TBCD: variants seen among roughly 807,000 people sequenced by gnomAD.
The protein encoded by TBCD is tubulin-specific chaperone D.
Under a neutral mutation model 169.3 loss-of-function variants are expected in TBCD, and 105 were observed. The ratio of observed to expected loss-of-function variants is 0.62; its 90% CI spans 0.53 to 0.73. TBCD has a LOEUF of 0.73. Ranked by LOEUF, TBCD falls within the 30% of genes least tolerant of loss-of-function variation. The probability of loss-of-function intolerance (pLI) is 0.00; values close to 1 mark genes in which losing one functional copy is unlikely to be tolerated. For missense variants in TBCD, 1,444 were observed against 1,600.1 expected, an observed-to-expected ratio of 0.90 and a Z score of 1.66; for synonymous variants, 700 against 643.9, an observed-to-expected ratio of 1.09 and a Z score of -1.32.
rs56676443 is a variant in TBCD, at chr17:82,864,104, C to T, written c.1319-6120C>T. On this transcript the variant is annotated intron_variant, in intron 13 of 38. Coordinates refer to ENST00000355528, the MANE Select transcript of TBCD (RefSeq NM_005993.5). The surrounding 1 kb of genome is among the most constrained non-coding windows in gnomAD (Gnocchi z 6.3). ...AGTGAAGGGAGCTGCCTGCTGTTGA[C>T]GCTCCACAGGAGGTTTGCGGCATGG... Among the ~76,000 whole-genome samples, 49 of 152,356 alleles carry T rather than the reference C, an allele frequency of 3.2e-4. No individual in the cohort carries two copies. The highest frequency in any genetic ancestry group is 9.1e-4 in the African/African-American group (38 of 41,580).
At chr17:82,881,603 G>A (rs1019303720) in intron 14 of TBCD, among the ~76,000 whole-genome samples, 1 of 152,198 alleles carries the variant, frequency 6.6e-6, no homozygotes, top group African/African-American at 2.4e-5. Context: ...CCGTGCCTAC[G>A]TGCCCTCCTG....
At position 82,940,958 on chromosome 17, in the gene TBCD, T is replaced by TA. The variant is rs199798632; in HGVS notation, c.3480-430dup. 5.8e-3 allele frequency among the ~76,000 whole-genome samples: 863 copies of TA among 148,074 alleles called. 13 individuals carry two copies. Among genetic ancestry groups the TA allele is most frequent in the East Asian group, 0.026 (131 of 5,096 alleles). ...TCCTATCGTTTAATCCCCTTTCTGT[T>TA]AAAAAAAAAAATCCTTAGAATTTAA... On this transcript the variant is annotated intron_variant, in intron 37 of 38. Transcript: ENST00000355528.
intron 6 of TBCD, among the ~76,000 whole-genome samples, chr17:82,774,305 G>A (rs916729230): frequency 6.6e-6 from 1 of 152,136 alleles, no homozygotes; most frequent in African/African-American, 2.4e-5. Context: ...ATCTTGCACC[G>A]CCCTTAATCC....
chr17:82,808,070 AC>A (rs1568167319), intron 11 of TBCD, among the ~76,000 whole-genome samples: 1 of 152,120 alleles, frequency 6.6e-6, no homozygotes, highest in African/African-American at 2.4e-5. Flanking sequence ...TTCACCCCTC[AC>A]TAGCACCTGT....
chr17:82,911,884 C>A (rs1421185469), intron 23 of TBCD, 95 bp downstream of exon 23: 6 of 1,357,952 alleles, frequency 4.4e-6, no homozygotes, highest in Non-Finnish European at 6.2e-6. Flanking sequence ...CCCATTAGCC[C>A]CCAGGGTGAA....
chr17:82,763,173 A>G (rs2047854684), intron 2 of TBCD, among the ~76,000 whole-genome samples: 1 of 151,920 alleles, frequency 6.6e-6, no homozygotes. Context: ...GTCTCCTTTC[A>G]TTTCTCTCAG....
chr17:82,792,926 C>T (rs2049852089), intron 7 of TBCD, among the ~76,000 whole-genome samples: 1 of 152,008 alleles, frequency 6.6e-6, no homozygotes, highest in Admixed American at 6.5e-5. Flanking sequence ...CCACACCTGG[C>T]TAATTTTTGT....
At chr17:82,763,204 A>G (rs2047856075) in intron 2 of TBCD, among the ~76,000 whole-genome samples, 1 of 152,068 alleles carries the variant, frequency 6.6e-6, no homozygotes, top group Non-Finnish European at 1.5e-5. Context: ...GCTTATTTTG[A>G]AGCTCTGTAG....
Position 82,860,424 on chromosome 17 carries a change from G to A in TBCD, c.1319-9800G>A, listed in dbSNP as rs987511379. The A allele has an allele frequency of 4.1e-6, 4 of 984,822 alleles. No individual in the cohort carries two copies. In the African/African-American group the frequency reaches 7.0e-5, roughly 17 times the overall value. 61.0% of individuals were successfully genotyped at this position (984,822 alleles called of 1,614,324 possible). On this transcript the variant is annotated intron_variant, in intron 13 of 38. Coordinates refer to ENST00000355528, the MANE Select transcript of TBCD (RefSeq NM_005993.5). ...GTGGCAGTGAGCGGACAGCGAGGGG[G>A]ACAGACACAGGTGGAAGGAACCACG...
chr17:82,828,330 A>C (rs2053115237), intron 13 of TBCD, among the ~76,000 whole-genome samples: 1 of 137,470 alleles, frequency 7.3e-6, no homozygotes, highest in African/African-American at 2.8e-5. Context: ...ATGCACACAC[A>C]CACCCATAGA....
chr17:82,766,223 CTG>C (rs958413725), intron 3 of TBCD, 42 bp from the exon 4 acceptor site: 5 of 1,526,810 alleles, frequency 3.3e-6, no homozygotes, highest in African/African-American at 1.4e-5. Flanking sequence ...TTGCTGCTCT[CTG>C]TATTTTTAAA....
intron 14 of TBCD, among the ~76,000 whole-genome samples, chr17:82,882,302 C>A (rs12936452): frequency 1.3e-5 from 2 of 152,064 alleles, no homozygotes; most frequent in African/African-American, 4.8e-5. Context: ...CCCAGCACCC[C>A]GCTGTCAAGC....
At chr17:82,928,764 C>A (rs1460563390) in intron 30 of TBCD, among the ~76,000 whole-genome samples, 1 of 152,006 alleles carries the variant, frequency 6.6e-6, no homozygotes, top group Non-Finnish European at 1.5e-5. Context: ...GCCTCTCTGT[C>A]CCCATCACTC....
At chr17:82,926,544 A>T in intron 28 of TBCD, 53 bp downstream of exon 28, 3 of 1,481,670 alleles carry the variant, frequency 2.0e-6, no homozygotes, top group Non-Finnish European at 2.8e-6. Flanking sequence ...AGGCCAGCAG[A>T]TGAACGCTAA....
rs1033603354 is a variant in TBCD at position 82,782,754 on chromosome 17, G to C, written c.771+1033G>C. The stretch of plus-strand genomic sequence containing the variant: ...CCGCAGCATCGTCTTCCTATCCGCG[G>C]CATTGTCTTCCTATCCGCGGCGTTG... On this transcript the variant is annotated intron_variant, in intron 7 of 38. Coordinates refer to ENST00000355528, the MANE Select transcript of TBCD (RefSeq NM_005993.5). The surrounding 1 kb of genome is among the most constrained non-coding windows in gnomAD (Gnocchi z 5.1). Among the ~76,000 whole-genome samples the C allele has an allele frequency of 6.9e-6, 1 of 145,462 alleles. No individual in the cohort carries two copies. The highest frequency in any genetic ancestry group is 1.5e-5 in the Non-Finnish European group (1 of 67,888).
rs984405657 is a variant in TBCD at position 82,835,341 on chromosome 17, A to G, written c.1318+20407A>G. Among the ~76,000 whole-genome samples the G allele has an allele frequency of 6.6e-6, 1 of 152,218 alleles. No individual in the cohort carries two copies. Among genetic ancestry groups the G allele is most frequent in the Non-Finnish European group, 1.5e-5 (1 of 68,042 alleles). ...GGCCAGGGGTGGTGGCTGGGCTTTC[A>G]TATGGCTGCCCCGAACTCTGGGGAA... On this transcript the variant is annotated intron_variant, in intron 13 of 38. Transcript: ENST00000355528. This position sits in a 1 kb window ranked among gnomAD's most constrained non-coding sequence, Gnocchi z 4.5.
At chr17:82,899,104 C>T (rs1218726066) in intron 17 of TBCD, among the ~76,000 whole-genome samples, 3 of 152,320 alleles carry the variant, frequency 2.0e-5, no homozygotes, top group African/African-American at 7.2e-5. Flanking sequence ...GCCTGGGGAC[C>T]GTCCGCAGCG....
intron 13 of TBCD, chr17:82,830,579 C>G: frequency 6.2e-7 from 1 of 1,614,054 alleles, no homozygotes; most frequent in Non-Finnish European, 8.5e-7. Context: ...GGAACAGCAG[C>G]AGCAGGTTCT....
rs764848831 is a variant in TBCD at position 82,915,278 on chromosome 17, C to T, written c.2038+3489C>T. ...CGCAGGTGCCCCGGAGGTGTCGAAC[C>T]GCAGATTTCTTCAGACGTTTTTTGC... On this transcript the variant is annotated intron_variant, in intron 23 of 38. Transcript: ENST00000355528. The surrounding 1 kb of genome is among the most constrained non-coding windows in gnomAD (Gnocchi z 4.3). Among the ~76,000 whole-genome samples the T allele has an allele frequency of 1.3e-5, 2 of 152,172 alleles. No homozygotes were observed. Among genetic ancestry groups the T allele is most frequent in the Admixed American group, 6.5e-5 (1 of 15,286 alleles).
Sources: allele counts gnomAD v4.1 joint callset (sites outside exome capture counted in the v4.1 genomes callset), GRCh38; gene constraint gnomAD v4.1.1; non-coding constraint Gnocchi (gnomAD v3.1); transcripts MANE v1.5; gene names NCBI Gene and HGNC (gene_info 2026-07-23, HGNC 2026-07-21).